The following BBS9 variants were observed in gnomAD, a reference collection of about 807,000 sequenced individuals.
BBS9 encodes the protein Bardet-Biedl syndrome 9.
In BBS9, 89 loss-of-function variants were observed where a neutral mutation model predicts 117.7. The observed-to-expected ratio is 0.76, with a 90% confidence interval of 0.64 to 0.90. BBS9 has a LOEUF of 0.90. Among genes scored for constraint, BBS9 ranks in the 40% least tolerant of loss-of-function variants. The pLI is 0.00. For missense variants in BBS9, 982 were observed against 1,042.2 expected (o/e 0.94, Z 0.80); for synonymous variants, 379 against 370.9 (o/e 1.02, Z -0.25).
intron 1 of BBS9, among the ~76,000 whole-genome samples, chr7:33,133,254 A>T (rs973182492): frequency 1.3e-5 from 2 of 152,240 alleles, no homozygotes; most frequent in African/African-American, 4.8e-5. Context: ...GTTGAAATAC[A>T]ATTCAAATAC....
chr7:33,601,270 G>A (rs1468603036), intron 21 of BBS9, among the ~76,000 whole-genome samples: 1 of 152,010 alleles, frequency 6.6e-6, no homozygotes, highest in Non-Finnish European at 1.5e-5. Flanking sequence ...CTGCAGTTCT[G>A]CTTGTCCTTG....
intron 9 of BBS9, among the ~76,000 whole-genome samples, chr7:33,335,659 A>C (rs1815198247): frequency 6.6e-6 from 1 of 152,176 alleles, no homozygotes. Context: ...TTTCTAGAGT[A>C]AAACAGACCT....
At chr7:33,246,928 T>A (rs1464538409) in intron 5 of BBS9, among the ~76,000 whole-genome samples, 1 of 152,150 alleles carries the variant, frequency 6.6e-6, no homozygotes, top group Non-Finnish European at 1.5e-5. Context: ...AAATTGCTAT[T>A]TTGAGGAAAG....
chr7:33,165,564 G>A lies in BBS9; in HGVS notation c.328+9862G>A, dbSNP rs541465183. ...CTTTTTTCTCTAAACTTCTCTTCTC[G>A]CTTTATGTCATTAATTTGATTTTCA... On this transcript the variant is annotated intron_variant, in intron 4 of 22. Coordinates refer to ENST00000242067, the MANE Select transcript of BBS9 (RefSeq NM_198428.3). Among the ~76,000 whole-genome samples the A allele has an allele frequency of 3.3e-5, 5 of 150,344 alleles. No homozygotes were observed. The East Asian group carries it at 5.9e-4, about 18-fold the overall frequency.
downstream of BBS9, among the ~76,000 whole-genome samples, chr7:33,606,775 G>A (rs1254943548): frequency 6.6e-6 from 1 of 152,004 alleles, no homozygotes; most frequent in Non-Finnish European, 1.5e-5. Context: ...CCACATTCGA[G>A]GTCCTCTTGG....
intron 4 of BBS9, among the ~76,000 whole-genome samples, chr7:33,173,942 A>G (rs1796972701): frequency 6.6e-6 from 1 of 152,176 alleles, no homozygotes; most frequent in African/African-American, 2.4e-5. Context: ...GAACACAGAA[A>G]TTTCTGCTAA....
At chr7:33,390,510 T>C in intron 19 of BBS9, 1 of 970,138 alleles carries the variant, frequency 1.0e-6, no homozygotes, top group Non-Finnish European at 1.2e-6. Flanking sequence ...AGGAAAAATA[T>C]GAGTACTATA....
rs978516871 is a variant in BBS9 at position 33,219,865 on chromosome 7, A to G, written c.443-37371A>G. Among the ~76,000 whole-genome samples, 10 of 152,144 alleles carry G rather than the reference A, an allele frequency of 6.6e-5. No individual in the cohort carries two copies. Among genetic ancestry groups the G allele is most frequent in the African/African-American group, 2.4e-4 (10 of 41,438 alleles). On this transcript the variant is annotated intron_variant, in intron 5 of 22. Transcript: ENST00000242067. ...AAATTTTGTTCTTTCGCTCTTTGCAATAAATCTTGCTACTGCTCACTCTTT... is the reference window on the plus strand; with the variant it reads ...AAATTTTGTTCTTTCGCTCTTTGCAGTAAATCTTGCTACTGCTCACTCTTT...
At chr7:33,584,394 A>G (rs986208292) in intron 21 of BBS9, among the ~76,000 whole-genome samples, 15 of 152,022 alleles carry the variant, frequency 9.9e-5, no homozygotes, top group Admixed American at 7.9e-4. Context: ...TAAGATCCTC[A>G]TTTTTAACCT....
chr7:33,223,714 T>G (rs1790715682), intron 5 of BBS9, among the ~76,000 whole-genome samples: 1 of 152,168 alleles, frequency 6.6e-6, no homozygotes, highest in African/African-American at 2.4e-5. Flanking sequence ...ATGAGTTACT[T>G]GAGATCAAAG....
intron 9 of BBS9, among the ~76,000 whole-genome samples, chr7:33,278,879 C>T (rs1218517790): frequency 1.3e-5 from 2 of 152,178 alleles, no homozygotes; most frequent in Admixed American, 1.3e-4. Flanking sequence ...TCTTCCTGCT[C>T]ACTGTACAAA....
chr7:33,314,440 T>G (rs1294791167), intron 9 of BBS9: 1 of 222,402 alleles, frequency 4.5e-6, no homozygotes, highest in Non-Finnish European at 9.2e-6. Flanking sequence ...CTTTTGGCAT[T>G]ACCATATTAT....
chr7:33,247,482 C>A (rs1282691105), intron 5 of BBS9, among the ~76,000 whole-genome samples: 2 of 152,222 alleles, frequency 1.3e-5, no homozygotes, highest in East Asian at 3.9e-4. Context: ...TTCCACCCAC[C>A]TCTTTTTAAA....
intron 5 of BBS9, among the ~76,000 whole-genome samples, chr7:33,238,389 C>T (rs1793893915): frequency 1.3e-5 from 2 of 152,104 alleles, no homozygotes; most frequent in Admixed American, 6.5e-5. Flanking sequence ...CTCCTAGTTT[C>T]AAGCAATTCT....
In BBS9 at chr7:33,223,741, C is replaced by A. The variant is rs1341466218; in HGVS notation, c.443-33495C>A. On this transcript the variant is annotated intron_variant, in intron 5 of 22. Transcript: ENST00000242067. ...AGATCAAAGAAGACTTCCTTTATTT[C>A]TTCATCTGTGCCTGATAGAACTTGT... 3.3e-5 allele frequency among the ~76,000 whole-genome samples: 5 copies of A among 150,710 alleles called. No individual in the cohort carries two copies. The South Asian group carries it at 1.0e-3, about 32-fold the overall frequency.
intron 19 of BBS9, among the ~76,000 whole-genome samples, chr7:33,392,882 C>T (rs112503585): frequency 2.0e-5 from 3 of 152,068 alleles, no homozygotes; most frequent in Non-Finnish European, 4.4e-5. Flanking sequence ...GCAAACAGAG[C>T]AGGCTGGGTA....
intron 5 of BBS9, among the ~76,000 whole-genome samples, chr7:33,254,776 C>T (rs2128307863): frequency 6.6e-6 from 1 of 152,198 alleles, no homozygotes; most frequent in South Asian, 2.1e-4. Context: ...CTTTTGTTGT[C>T]TGGCTTATTT....
chr7:33,429,821 T>C (rs982288698), intron 19 of BBS9, among the ~76,000 whole-genome samples: 2 of 152,200 alleles, frequency 1.3e-5, no homozygotes, highest in African/African-American at 4.8e-5. Context: ...AGTAGCTGTT[T>C]AGGAGAATAA....
At chr7:33,574,684 AACAC>A (rs371229936) in intron 21 of BBS9, among the ~76,000 whole-genome samples, 346 of 137,628 alleles carry the variant, frequency 2.5e-3, no homozygotes, top group East Asian at 5.4e-3. Flanking sequence ...AGTCATAGAA[AACAC>A]ACACACACAC....
Sources: gnomAD v4.1 joint callset for allele counts (sites outside exome capture counted in the v4.1 genomes callset) on GRCh38, gnomAD v4.1.1 for gene constraint, MANE v1.5 for transcripts, NCBI Gene and HGNC (gene_info 2026-07-23, HGNC 2026-07-21) for gene names.